Variants in TCF7L2 observed in about 807,000 individuals in gnomAD.
The protein encoded by TCF7L2 is transcription factor 7 like 2, also known as transcription factor 7-like 2.
In TCF7L2, 23 loss-of-function variants were observed where a neutral mutation model predicts 77.9. The observed-to-expected ratio is 0.30, with a 90% confidence interval of 0.21 to 0.42. The LOEUF (loss-of-function observed/expected upper bound fraction) is 0.42, where lower values mean the gene tolerates loss of function less well. TCF7L2 is among the 10% of genes least tolerant of loss of function. The pLI is 1.00. For missense variants in TCF7L2, 654 were observed against 793.1 expected, an observed-to-expected ratio of 0.82 and a Z score of 2.11; for synonymous variants, 413 against 340.2, an observed-to-expected ratio of 1.21 and a Z score of -2.36.
chr10:113,056,575 G>A (rs1274567945), intron 5 of TCF7L2, among the ~76,000 whole-genome samples: 2 of 152,110 alleles, frequency 1.3e-5, no homozygotes, highest in African/African-American at 2.4e-5. Flanking sequence ...ATATTATTGG[G>A]GAGAGGGGGC....
At chr10:113,055,283 T>C (rs182194354) in intron 5 of TCF7L2, among the ~76,000 whole-genome samples, 1 of 152,348 alleles carries the variant, frequency 6.6e-6, no homozygotes, top group East Asian at 1.9e-4. Flanking sequence ...CACCAATGCT[T>C]GATCCTGTTG....
At chr10:113,124,184 T>C (rs1260013575) in intron 5 of TCF7L2, among the ~76,000 whole-genome samples, 4 of 76,798 alleles carry the variant, frequency 5.2e-5, no homozygotes, top group Non-Finnish European at 9.9e-5. Flanking sequence ...CACGAGAAAG[T>C]AGAAACCTTA....
chr10:113,157,454 C>T (rs375330359), intron 11 of TCF7L2, among the ~76,000 whole-genome samples: 4 of 152,338 alleles, frequency 2.6e-5, no homozygotes, highest in East Asian at 1.9e-4. Flanking sequence ...GATGATTCCT[C>T]GTTCTATTTC....
chr10:113,069,456 C>T (rs2135156265), intron 5 of TCF7L2, among the ~76,000 whole-genome samples: 1 of 152,222 alleles, frequency 6.6e-6, no homozygotes. Flanking sequence ...TCTCGAACTC[C>T]TGACCTCAAG....
chr10:113,129,961 G>A (rs755603389), intron 5 of TCF7L2: 29 of 1,288,692 alleles, frequency 2.3e-5, no homozygotes, highest in East Asian at 5.5e-5. Context: ...GCAGTTGGGC[G>A]GTTGGCACCT....
intron 4 of TCF7L2, among the ~76,000 whole-genome samples, chr10:113,002,902 G>A (rs547206619): frequency 6.6e-6 from 1 of 152,288 alleles, no homozygotes; most frequent in East Asian, 1.9e-4. Context: ...AATTTCATAT[G>A]TCAATACATT....
chr10:112,966,187 T>TAAAATATATTTATAAA, intron 4 of TCF7L2, among the ~76,000 whole-genome samples: 1 of 20,468 alleles, frequency 4.9e-5, no homozygotes, highest in Non-Finnish European at 2.5e-4. Flanking sequence ...AATATATTTA[T>TAAAATATATTTATAAA]ATATATATAT....
chr10:113,100,900 A>G (rs115639573), intron 5 of TCF7L2, among the ~76,000 whole-genome samples: 4,745 of 152,110 alleles, frequency 0.031, 260 homozygotes, highest in African/African-American at 0.11. Flanking sequence ...ACATGGAGAA[A>G]CCTCATTTCC....
chr10:113,131,009 G>A (rs750016530), intron 5 of TCF7L2, among the ~76,000 whole-genome samples: 6 of 152,134 alleles, frequency 3.9e-5, no homozygotes, highest in East Asian at 3.9e-4. Flanking sequence ...CAGGTGATCC[G>A]CCCGTCTCGG....
At chr10:113,024,461 A>G (rs2048777328) in intron 4 of TCF7L2, among the ~76,000 whole-genome samples, 2 of 152,168 alleles carry the variant, frequency 1.3e-5, no homozygotes, top group African/African-American at 2.4e-5. Flanking sequence ...GAAGGAGTAC[A>G]GGTTAAATAA....
intron 5 of TCF7L2, among the ~76,000 whole-genome samples, chr10:113,080,412 G>C (rs1659916336): frequency 6.6e-6 from 1 of 152,018 alleles, no homozygotes; most frequent in African/African-American, 2.4e-5. Context: ...TAAGCAGTCA[G>C]ATTTGCGACA....
rs565521806 is a variant in TCF7L2, at chr10:113,054,739, G to A, written c.552+14613G>A. On this transcript the variant is annotated intron_variant, in intron 5 of 13. Coordinates refer to ENST00000627217, the MANE Select transcript of TCF7L2 (RefSeq NM_001146274.2). ...CCGAGTTCAGGTTTTTATACTTTTC[G>A]ACATCTATTTATATTAACGTATGTA... is the stretch of plus-strand genomic sequence containing the variant. Among the ~76,000 whole-genome samples the A allele has an allele frequency of 4.6e-5, 7 of 151,326 alleles. No homozygotes were observed. The East Asian group carries it at 9.6e-4, about 21-fold the overall frequency.
At chr10:113,125,265 T>G (rs2065400987) in intron 5 of TCF7L2, among the ~76,000 whole-genome samples, 1 of 152,176 alleles carries the variant, frequency 6.6e-6, no homozygotes, top group Admixed American at 6.5e-5. Flanking sequence ...AGTCGTCTTT[T>G]TCTTTAGAAC....
chr10:113,109,666 C>T (rs1315197343), intron 5 of TCF7L2, among the ~76,000 whole-genome samples: 3 of 152,174 alleles, frequency 2.0e-5, no homozygotes, highest in Non-Finnish European at 2.9e-5. Flanking sequence ...GCTGGGATTA[C>T]AGGCATGAGC....
chr10:112,962,894 C>T (rs529698961), intron 3 of TCF7L2, among the ~76,000 whole-genome samples: 16 of 152,308 alleles, frequency 1.1e-4, no homozygotes, highest in African/African-American at 3.8e-4. Flanking sequence ...CCACTGCGCC[C>T]TGCCAGCGGT....
chr10:113,152,974 G>A (rs112413370), intron 11 of TCF7L2, among the ~76,000 whole-genome samples: 9 of 152,222 alleles, frequency 5.9e-5, no homozygotes, highest in Non-Finnish European at 1.2e-4. Flanking sequence ...CCTGAGAGGA[G>A]CATGATGGGA....
intron 5 of TCF7L2, among the ~76,000 whole-genome samples, chr10:113,084,473 C>T (rs1294275834): frequency 6.6e-6 from 1 of 152,170 alleles, no homozygotes; most frequent in Non-Finnish European, 1.5e-5. Flanking sequence ...TGGGCTGAGG[C>T]CTGCTCACAT....
Position 113,007,657 on chromosome 10 carries a change from T to A in TCF7L2, c.451-32368T>A, listed in dbSNP as rs138860461. ...ACCCCAATATTGGAAGAGGGCTTCT[T>A]TTACATTCGGAATGAATTCAGGCTG... On this transcript the variant is annotated intron_variant, in intron 4 of 13. Transcript: ENST00000627217. 4.5e-3 allele frequency among the ~76,000 whole-genome samples: 678 copies of A among 152,328 alleles called. 5 individuals are homozygous for A. Among genetic ancestry groups the A allele is most frequent in the African/African-American group, 0.015 (636 of 41,566 alleles).
intron 5 of TCF7L2, among the ~76,000 whole-genome samples, chr10:113,059,150 T>A (rs1326468299): frequency 6.6e-6 from 1 of 152,164 alleles, no homozygotes; most frequent in African/African-American, 2.4e-5. Context: ...TGATGTACAC[T>A]TTTTGTTTTT....
Sources: gnomAD v4.1 joint callset for allele counts (sites outside exome capture counted in the v4.1 genomes callset) on GRCh38, gnomAD v4.1.1 for gene constraint, MANE v1.5 for transcripts, NCBI Gene and HGNC (gene_info 2026-07-23, HGNC 2026-07-21) for gene names.